ERBB4: variants seen among roughly 807,000 people sequenced by gnomAD.
The protein encoded by ERBB4 is erb-b2 receptor tyrosine kinase 4.
In ERBB4, 42 loss-of-function variants were observed where a neutral mutation model predicts 158.0. That is an observed-to-expected ratio of 0.27 (90% CI 0.21 to 0.34). ERBB4 has a LOEUF of 0.34. ERBB4 is among the 10% of genes least tolerant of loss of function. ERBB4 has a pLI of 1.00. For synonymous variants in ERBB4, 583 were observed against 558.7 expected (o/e 1.04, Z -0.61); for missense variants, 1,333 against 1,624.1 (o/e 0.82, Z 3.08).
chr2:211,554,433 A>G (rs554703160), intron 20 of ERBB4, among the ~76,000 whole-genome samples: 20 of 152,314 alleles, frequency 1.3e-4, no homozygotes, highest in Non-Finnish European at 2.1e-4. Context: ...TGTTACTCCA[A>G]TGCAGCTCTG....
chr2:212,039,381 A>C (rs2125368167), intron 2 of ERBB4, among the ~76,000 whole-genome samples: 1 of 152,294 alleles, frequency 6.6e-6, no homozygotes, highest in East Asian at 1.9e-4. Flanking sequence ...TGACAACCGT[A>C]ATTCTTCACC....
chr2:211,663,454 T>TG lies in ERBB4; in HGVS notation c.1871+1868dup, dbSNP rs1166232340. Among the ~76,000 whole-genome samples, 4 of 152,298 alleles carry TG rather than the reference T, an allele frequency of 2.6e-5. No individual in the cohort carries two copies. The East Asian group carries it at 5.8e-4, about 22-fold the overall frequency. ...TAAAGGTGTCTTTTTTCTGTTCACT[T>TG]GGAGTTCCCAAATGCTCTGGTGAGA... is the stretch of plus-strand genomic sequence containing the variant. On this transcript the variant is annotated intron_variant, in intron 15 of 27. Transcript: ENST00000342788.
At chr2:211,698,771 T>C (rs2073119796) in intron 12 of ERBB4, among the ~76,000 whole-genome samples, 1 of 152,128 alleles carries the variant, frequency 6.6e-6, no homozygotes, top group Non-Finnish European at 1.5e-5. Flanking sequence ...ATTTCAGTGT[T>C]AAAAATTTAT....
At chr2:212,482,254 C>T (rs1219977471) in intron 1 of ERBB4, among the ~76,000 whole-genome samples, 2 of 152,112 alleles carry the variant, frequency 1.3e-5, no homozygotes, top group Admixed American at 6.5e-5. Flanking sequence ...CCCACCATGC[C>T]GCTGATTGAA....
intron 1 of ERBB4, among the ~76,000 whole-genome samples, chr2:212,390,215 T>C (rs763401442): frequency 6.6e-6 from 1 of 151,610 alleles, no homozygotes; most frequent in African/African-American, 2.4e-5. Flanking sequence ...CAAAAGAAAT[T>C]TTCACTGTTA....
intron 1 of ERBB4, among the ~76,000 whole-genome samples, chr2:212,253,474 T>C (rs925358867): frequency 3.3e-5 from 5 of 152,116 alleles, no homozygotes; most frequent in South Asian, 2.1e-4. Context: ...CTCTTCTTCA[T>C]CAAAACCAGT....
chr2:211,933,223 T>C (rs2080224564), intron 3 of ERBB4, among the ~76,000 whole-genome samples: 1 of 152,104 alleles, frequency 6.6e-6, no homozygotes, highest in South Asian at 2.1e-4. Context: ...ATGCAATTTC[T>C]AAGTACGTGA....
chr2:211,862,974 T>C (rs1272426554), intron 3 of ERBB4, among the ~76,000 whole-genome samples: 3 of 152,102 alleles, frequency 2.0e-5, no homozygotes, highest in African/African-American at 7.2e-5. Context: ...ATCAGCACTC[T>C]GCGTCTAGCT....
At chr2:211,715,713 G>C (rs2073873832) in intron 7 of ERBB4, among the ~76,000 whole-genome samples, 1 of 152,152 alleles carries the variant, frequency 6.6e-6, no homozygotes, top group African/African-American at 2.4e-5. Flanking sequence ...GGCCATGGAA[G>C]ACATAATTGC....
chr2:212,095,237 G>C (rs1055456812), intron 2 of ERBB4, among the ~76,000 whole-genome samples: 11 of 152,266 alleles, frequency 7.2e-5, no homozygotes, highest in African/African-American at 2.6e-4. Context: ...ATGCACCAGA[G>C]GCATGCAGTT....
intron 2 of ERBB4, among the ~76,000 whole-genome samples, chr2:212,024,915 T>C (rs1447380851): frequency 6.6e-6 from 1 of 151,848 alleles, no homozygotes; most frequent in Non-Finnish European, 1.5e-5. Flanking sequence ...CATGCTATCC[T>C]TTCCTTGATG....
intron 1 of ERBB4, among the ~76,000 whole-genome samples, chr2:212,231,094 T>C (rs1574481879): frequency 6.6e-6 from 1 of 152,182 alleles, no homozygotes; most frequent in South Asian, 2.1e-4. Context: ...TTTACCTAAA[T>C]ACCTTATTTC....
intron 1 of ERBB4, among the ~76,000 whole-genome samples, chr2:212,341,913 A>T (rs1341948049): frequency 6.6e-6 from 1 of 152,166 alleles, no homozygotes; most frequent in Non-Finnish European, 1.5e-5. Context: ...TAAATAATCA[A>T]GATTTTATTT....
chr2:211,918,542 A>C (rs2079765949), intron 3 of ERBB4, among the ~76,000 whole-genome samples: 1 of 152,110 alleles, frequency 6.6e-6, no homozygotes, highest in Admixed American at 6.6e-5. Context: ...TTCGAGAGAT[A>C]CGTTTTAATA....
intron 2 of ERBB4, among the ~76,000 whole-genome samples, chr2:212,013,058 C>CTTTT (rs775918426): frequency 7.2e-6 from 1 of 139,714 alleles, no homozygotes; most frequent in African/African-American, 2.6e-5. Context: ...AAATACTTTC[C>CTTTT]TTTTTTTTTT....
intron 19 of ERBB4, among the ~76,000 whole-genome samples, chr2:211,579,758 T>C (rs1337044054): frequency 4.0e-5 from 6 of 149,992 alleles, no homozygotes; most frequent in Admixed American, 2.0e-4. Flanking sequence ...TGAGAACACA[T>C]AGACACAGGG....
chr2:212,178,661 C>A (rs972194759), intron 1 of ERBB4, among the ~76,000 whole-genome samples: 8 of 151,504 alleles, frequency 5.3e-5, no homozygotes, highest in African/African-American at 1.9e-4. Flanking sequence ...ACTTTAACAT[C>A]CTAGTATGGC....
chr2:212,013,668 T>G (rs1006588760), intron 2 of ERBB4, among the ~76,000 whole-genome samples: 4 of 152,204 alleles, frequency 2.6e-5, no homozygotes, highest in Admixed American at 1.3e-4. Flanking sequence ...GTGATTCATC[T>G]ATAAACTAAG....
chr2:212,317,495 T>C (rs1216157415), intron 1 of ERBB4, among the ~76,000 whole-genome samples: 1 of 151,566 alleles, frequency 6.6e-6, no homozygotes, highest in Non-Finnish European at 1.5e-5. Flanking sequence ...CAATCAGCAT[T>C]CTAACTACCA....
Sources: allele counts gnomAD v4.1 joint callset (sites outside exome capture counted in the v4.1 genomes callset), GRCh38; gene constraint gnomAD v4.1.1; transcripts MANE v1.5; gene names NCBI Gene and HGNC (gene_info 2026-07-23, HGNC 2026-07-21).